PLD5: variants seen among roughly 807,000 people sequenced by gnomAD.
PLD5 encodes the protein phospholipase D family member 5.
In PLD5, 36 loss-of-function variants were observed where a neutral mutation model predicts 61.1. The ratio of observed to expected loss-of-function variants is 0.59; its 90% CI spans 0.45 to 0.78. The LOEUF (loss-of-function observed/expected upper bound fraction) is 0.78. PLD5 is among the 30% of genes least tolerant of loss of function. The pLI is 0.00. For synonymous variants in PLD5, 243 were observed against 242.8 expected (o/e 1.00, Z -0.01); for missense variants, 515 against 644.4 (o/e 0.80, Z 2.17).
chr1:242,236,695 A>G (rs1429669377), intron 4 of PLD5, among the ~76,000 whole-genome samples: 1 of 152,244 alleles, frequency 6.6e-6, no homozygotes, highest in African/African-American at 2.4e-5. Context: ...AAACTGTTTT[A>G]TCACAAAGAT....
intron 5 of PLD5, among the ~76,000 whole-genome samples, chr1:242,202,848 T>C (rs1669067568): frequency 6.6e-6 from 1 of 152,078 alleles, no homozygotes; most frequent in African/African-American, 2.4e-5. Context: ...TCCTGGCTCT[T>C]AATACAGGCC....
At chr1:242,193,690 G>A (rs1282486846) in intron 5 of PLD5, among the ~76,000 whole-genome samples, 2 of 152,202 alleles carry the variant, frequency 1.3e-5, no homozygotes, top group African/African-American at 4.8e-5. Context: ...TCCATAGACT[G>A]GAGCAGTTGC....
chr1:242,490,419 T>G (rs1668107757), intron 1 of PLD5, among the ~76,000 whole-genome samples: 1 of 152,238 alleles, frequency 6.6e-6, no homozygotes. Context: ...CATACAAATT[T>G]TCTTTCAGTC....
intron 4 of PLD5, among the ~76,000 whole-genome samples, chr1:242,248,529 C>T (rs894267525): frequency 8.6e-5 from 13 of 151,896 alleles, no homozygotes; most frequent in Non-Finnish European, 1.9e-4. Context: ...TTTCTGCAAA[C>T]CAAAGAGAAT....
rs151296935 is a variant in PLD5 at position 242,112,616 on chromosome 1, A to C, written c.1070+1274T>G. Among the ~76,000 whole-genome samples the C allele has an allele frequency of 2.8e-3, 432 of 151,986 alleles. 2 individuals are homozygous for C. Among genetic ancestry groups the C allele is most frequent in the South Asian group, 0.018 (87 of 4,810 alleles). On this transcript the variant is annotated intron_variant, in intron 7 of 9. Transcript: ENST00000536534. ...GAAATGATCATTTTCTGGGGGAAGG[A>C]CTCTTTTTGTAATCCTATGGTTATT...
At chr1:242,163,186 C>G (rs1478637371) in intron 5 of PLD5, among the ~76,000 whole-genome samples, 2 of 145,848 alleles carry the variant, frequency 1.4e-5, no homozygotes, top group Non-Finnish European at 3.0e-5. Context: ...CTCTGTCACC[C>G]AGGCTGGAGT....
At chr1:242,515,579 T>C (rs1167105401) in intron 1 of PLD5, among the ~76,000 whole-genome samples, 5 of 152,264 alleles carry the variant, frequency 3.3e-5, no homozygotes, top group African/African-American at 9.6e-5. Context: ...CGTTCATTAT[T>C]ATGCCTGAAA....
intron 1 of PLD5, among the ~76,000 whole-genome samples, chr1:242,375,610 TA>T (rs1661904691): frequency 6.6e-6 from 1 of 151,968 alleles, no homozygotes; most frequent in East Asian, 1.9e-4. Context: ...TTCCTTTACT[TA>T]AAAAAATAAG....
At chr1:242,369,082 G>A (rs1233537298) in intron 1 of PLD5, among the ~76,000 whole-genome samples, 3 of 152,158 alleles carry the variant, frequency 2.0e-5, no homozygotes, top group African/African-American at 7.2e-5. Flanking sequence ...AGAAAAGCCA[G>A]CATCCATCAG....
intron 5 of PLD5, among the ~76,000 whole-genome samples, chr1:242,129,985 G>A (rs1356216748): frequency 6.6e-6 from 1 of 151,608 alleles, no homozygotes; most frequent in Non-Finnish European, 1.5e-5. Flanking sequence ...ATTCTTTTTT[G>A]TGGCTAAATA....
chr1:242,462,346 G>T (rs1227538683), intron 1 of PLD5, among the ~76,000 whole-genome samples: 1 of 152,178 alleles, frequency 6.6e-6, no homozygotes, highest in African/African-American at 2.4e-5. Context: ...GGACATGGAT[G>T]CAGTTAGAAG....
chr1:242,431,170 G>A (rs1316223946), intron 1 of PLD5, among the ~76,000 whole-genome samples: 2 of 152,122 alleles, frequency 1.3e-5, no homozygotes, highest in African/African-American at 4.8e-5. Flanking sequence ...CTCCCACCCA[G>A]AACTCATTTT....
rs746569677 is a variant in PLD5, at chr1:242,220,087, G to C, written c.636C>G (p.Thr212=). ...ACTGCAGCCGGCCCTTGTTGTAAGCGGTCATGTTCATGTACGTCACCTCGG... is the reference window on the plus strand; with the variant it reads ...ACTGCAGCCGGCCCTTGTTGTAAGCCGTCATGTTCATGTACGTCACCTCGG... The part of the protein sequence containing the change: ...KGAEVTYMNM[T]AYNKGRLQSS... Residue 212 remains threonine, a synonymous_variant, in exon 5 of 10, where the codon ACC becomes ACG. Transcript: ENST00000536534. 1 of 1,614,112 alleles carries C rather than the reference G, an allele frequency of 6.2e-7. No individual in the cohort carries two copies. The highest frequency in any genetic ancestry group is 1.7e-5 in the Admixed American group (1 of 60,016).
At chr1:242,298,381 A>G (rs1465638704) in intron 2 of PLD5, among the ~76,000 whole-genome samples, 1 of 152,234 alleles carries the variant, frequency 6.6e-6, no homozygotes, top group African/African-American at 2.4e-5. Flanking sequence ...ATTACATAGC[A>G]TCGTCAACAA....
At chr1:242,133,205 A>G (rs1022432345) in intron 5 of PLD5, among the ~76,000 whole-genome samples, 5 of 152,084 alleles carry the variant, frequency 3.3e-5, no homozygotes, top group African/African-American at 1.2e-4. Flanking sequence ...CACCCTCCCC[A>G]ACCAATCAGA....
intron 5 of PLD5, among the ~76,000 whole-genome samples, chr1:242,183,430 C>T (rs1390887545): frequency 5.9e-5 from 9 of 152,016 alleles, no homozygotes; most frequent in Admixed American, 1.3e-4. Flanking sequence ...GAGAACCCAC[C>T]GCCGGTCATG....
intron 5 of PLD5, among the ~76,000 whole-genome samples, chr1:242,148,769 A>G (rs1664717552): frequency 6.6e-6 from 1 of 151,862 alleles, no homozygotes; most frequent in African/African-American, 2.4e-5. Context: ...CTAATTGCTC[A>G]TGCTATTGGT....
intron 1 of PLD5, among the ~76,000 whole-genome samples, chr1:242,414,636 A>G (rs542075480): frequency 6.6e-6 from 1 of 152,348 alleles, no homozygotes; most frequent in South Asian, 2.1e-4. Flanking sequence ...GATAAATTTC[A>G]AACACATCAA....
chr1:242,201,975 G>T (rs1422612933), intron 5 of PLD5, among the ~76,000 whole-genome samples: 2 of 152,134 alleles, frequency 1.3e-5, no homozygotes, highest in Non-Finnish European at 2.9e-5. Flanking sequence ...AGCACTTTGG[G>T]AGGCCAAGGC....
Sources: allele counts gnomAD v4.1 joint callset (sites outside exome capture counted in the v4.1 genomes callset), GRCh38; gene constraint gnomAD v4.1.1; transcripts MANE v1.5; gene names NCBI Gene and HGNC (gene_info 2026-07-23, HGNC 2026-07-21).